The following MYCBP variants were observed in gnomAD, a reference collection of about 807,000 sequenced individuals.
MYCBP encodes C-Myc-binding protein.
A neutral mutation model predicts 16.8 loss-of-function variants in MYCBP; 5 were observed. The ratio of observed to expected loss-of-function variants is 0.30; its 90% CI spans 0.16 to 0.63. The LOEUF is 0.63. Ranked by LOEUF, MYCBP falls within the 20% of genes least tolerant of loss-of-function variation. The pLI, the probability that MYCBP is intolerant of heterozygous loss-of-function variation, is 0.83. For missense variants in MYCBP, 103 were observed against 121.8 expected (o/e 0.85, Z 0.73); for synonymous variants, 35 against 43.7 (o/e 0.80, Z 0.79).
At chr1:38,866,802 G>A (rs1201294122) in intron 4 of MYCBP, 78 bp downstream of exon 4, 5 of 1,163,248 alleles carry the variant, frequency 4.3e-6, no homozygotes, top group Admixed American at 2.7e-5. Flanking sequence ...CTCCCCTCCT[G>A]TCCATTTCAG....
chr1:38,864,923 A>G (rs1424261771), intron 4 of MYCBP, among the ~76,000 whole-genome samples: 1 of 152,224 alleles, frequency 6.6e-6, no homozygotes, highest in Non-Finnish European at 1.5e-5. Flanking sequence ...AAACCTTTAA[A>G]ATTGCTTTGA....
intron 2 of MYCBP, among the ~76,000 whole-genome samples, chr1:38,869,012 A>C (rs1026448311): frequency 1.3e-5 from 2 of 152,214 alleles, no homozygotes; most frequent in Non-Finnish European, 2.9e-5. Context: ...TTGTTCTTTT[A>C]GAGTTTTAAT....
At chr1:38,873,137 G>A (rs1401262424) in intron 1 of MYCBP, 47 bp from the exon 2 acceptor site, 1 of 1,552,642 alleles carries the variant, frequency 6.4e-7, no homozygotes, top group Admixed American at 1.9e-5. Flanking sequence ...GAGCCGAGCA[G>A]GAAGAAGGCG....
rs1162259430 is a variant in MYCBP, at chr1:38,873,277, C to T, written c.15+14G>A. 1.2e-6 allele frequency: 2 copies of T among 1,600,910 alleles called. No homozygotes were observed. Among genetic ancestry groups the T allele is most frequent in the South Asian group, 1.1e-5 (1 of 90,366 alleles). On this transcript the variant is annotated intron_variant, in intron 1 of 4. Transcript: ENST00000397572. ...ACCGCCCGCATGCCCCCAGCCACGC[C>T]GCGCCCCCCTCACTTTGTAATGGGC...
chr1:38,867,720 T>C (rs1642370058), intron 2 of MYCBP, 110 bp from the exon 3 acceptor site: 1 of 871,160 alleles, frequency 1.1e-6, no homozygotes, highest in African/African-American at 1.7e-5. Flanking sequence ...GCTGAGCACA[T>C]TGCAAAGACT....
intron 4 of MYCBP, among the ~76,000 whole-genome samples, chr1:38,865,895 A>G (rs1366004390): frequency 1.3e-5 from 2 of 152,144 alleles, no homozygotes; most frequent in Non-Finnish European, 2.9e-5. Context: ...TGAACCATAC[A>G]AATTCTAAGA....
rs1642269116 is a variant in MYCBP, at chr1:38,862,857, A to G, written c.*1813T>C. 1 of 152,224 alleles carries G rather than the reference A, an allele frequency of 6.6e-6. No homozygotes were observed. Among genetic ancestry groups the G allele is most frequent in the South Asian group, 2.1e-4 (1 of 4,834 alleles). The allele number at this position is 152,224 out of a possible 1,614,324, so 9.4% of individuals were successfully genotyped here. A position where few individuals can be genotyped will look rare whatever the true frequency, so the allele number is the denominator to read the frequency against. ...ACCTGGCTTACTGACATAAATATTA[A>G]TACTAATCAAATGAGTAAAAAGCCC... On this transcript the variant is annotated 3_prime_UTR_variant, in exon 5 of 5. Coordinates refer to ENST00000397572, the MANE Select transcript of MYCBP (RefSeq NM_012333.5).
intron 1 of MYCBP, 27 bp downstream of exon 1, chr1:38,873,264 C>T (rs770473342): frequency 1.3e-6 from 2 of 1,598,836 alleles, no homozygotes; most frequent in Admixed American, 3.4e-5. Context: ...CGCCCGCATG[C>T]CCCCAGCCAC....
intron 2 of MYCBP, among the ~76,000 whole-genome samples, chr1:38,871,197 G>A (rs1046725802): frequency 3.3e-5 from 5 of 152,106 alleles, no homozygotes; most frequent in African/African-American, 1.2e-4. Flanking sequence ...CCGAGATCAT[G>A]CCGCTGCACT....
At chr1:38,872,351 C>CA (rs1245005720) in intron 2 of MYCBP, among the ~76,000 whole-genome samples, 1 of 152,240 alleles carries the variant, frequency 6.6e-6, no homozygotes, top group Non-Finnish European at 1.5e-5. Context: ...ACACTTTACT[C>CA]ATCTACTTAA....
rs1642265860 is a variant in MYCBP at position 38,862,637 on chromosome 1, G to A, written c.*2033C>T. Among the ~76,000 whole-genome samples the A allele has an allele frequency of 6.6e-6, 1 of 152,154 alleles. No homozygotes were observed. The highest frequency in any genetic ancestry group is 6.5e-5 in the Admixed American group (1 of 15,270). On this transcript the variant is annotated 3_prime_UTR_variant, in exon 5 of 5. Coordinates refer to ENST00000397572, the MANE Select transcript of MYCBP (RefSeq NM_012333.5). ...CCATTTATCCATTTTCTCTTCCATG[G>A]AGCATCTTGTTGTATTCATCCAAAT...
At chr1:38,872,061 A>G (rs1274077828) in intron 2 of MYCBP, among the ~76,000 whole-genome samples, 1 of 152,210 alleles carries the variant, frequency 6.6e-6, no homozygotes, top group East Asian at 1.9e-4. Context: ...CCAAATAGGT[A>G]GCAATTCAAA....
chr1:38,868,209 A>G (rs1033238946), intron 2 of MYCBP, among the ~76,000 whole-genome samples: 3 of 152,242 alleles, frequency 2.0e-5, no homozygotes, highest in Admixed American at 1.3e-4. Context: ...CTGATGTGGT[A>G]ATCCAGTTTA....
At chr1:38,873,226 C>T in intron 1 of MYCBP, 65 bp downstream of exon 1, 1 of 1,585,860 alleles carries the variant, frequency 6.3e-7, no homozygotes, top group South Asian at 1.1e-5. Context: ...ACCCCACTCC[C>T]ACCCAGAGCC....
At chr1:38,866,694 C>T (rs1001546920) in intron 4 of MYCBP, among the ~76,000 whole-genome samples, 186 bp downstream of exon 4, 3 of 152,160 alleles carry the variant, frequency 2.0e-5, no homozygotes, top group Admixed American at 6.5e-5. Flanking sequence ...GGATTACAGG[C>T]GTAAGCCACC....
chr1:38,872,869 C>A, intron 2 of MYCBP, 149 bp downstream of exon 2: 1 of 859,786 alleles, frequency 1.2e-6, no homozygotes, highest in South Asian at 1.8e-5. Context: ...GCAGCCAGGT[C>A]CCTGCTGAAC....
chr1:38,872,769 G>A (rs1642492754), intron 2 of MYCBP, among the ~76,000 whole-genome samples: 3 of 152,266 alleles, frequency 2.0e-5, no homozygotes, highest in Admixed American at 1.3e-4. Context: ...AGCAACGGAA[G>A]TTGAAGAGAC....
intron 2 of MYCBP, among the ~76,000 whole-genome samples, chr1:38,871,066 C>T (rs891110456): frequency 1.3e-5 from 2 of 151,966 alleles, no homozygotes. Flanking sequence ...GTGGTGAAAC[C>T]GCCTCTCTAC....
Position 38,873,345 on chromosome 1 carries a change from G to A in MYCBP, c.-40C>T. The A allele has an allele frequency of 6.3e-7, 1 of 1,594,696 alleles. No homozygotes were observed. The highest frequency in any genetic ancestry group is 8.5e-7 in the Non-Finnish European group (1 of 1,176,288). ...CGGCGTAGCTGGCGCCGGAGACCGC[G>A]ACTGGCGGGTTGGGAGCAGCACTGC... is the stretch of plus-strand genomic sequence containing the variant. On this transcript the variant is annotated 5_prime_UTR_variant, in exon 1 of 5. Coordinates refer to ENST00000397572, the MANE Select transcript of MYCBP (RefSeq NM_012333.5).
Sources: allele counts gnomAD v4.1 joint callset (sites outside exome capture counted in the v4.1 genomes callset), GRCh38; gene constraint gnomAD v4.1.1; transcripts MANE v1.5; gene names NCBI Gene and HGNC (gene_info 2026-07-23, HGNC 2026-07-21).